PLCB4: variants seen among roughly 807,000 people sequenced by gnomAD.
PLCB4 encodes phospholipase C beta 4, also known as 1-phosphatidylinositol 4,5-bisphosphate phosphodiesterase beta-4.
Under a neutral mutation model 178.8 loss-of-function variants are expected in PLCB4, and 77 were observed. That is an observed-to-expected ratio of 0.43 (90% CI 0.36 to 0.52). The LOEUF (loss-of-function observed/expected upper bound fraction) is 0.52, where lower values mean the gene tolerates loss of function less well. Among genes scored for constraint, PLCB4 ranks in the 20% least tolerant of loss-of-function variants. The pLI, the probability that PLCB4 is intolerant of heterozygous loss-of-function variation, is 0.00. For synonymous variants in PLCB4, 496 were observed against 490.8 expected (o/e 1.01, Z -0.14); for missense variants, 1,024 against 1,453.4 (o/e 0.70, Z 4.80).
At chr20:9,127,606 A>G (rs932787827) in intron 2 of PLCB4, among the ~76,000 whole-genome samples, 10 of 151,756 alleles carry the variant, frequency 6.6e-5, no homozygotes, top group Non-Finnish European at 1.5e-4. Flanking sequence ...ATACTACTCA[A>G]CATTTAACTT....
intron 2 of PLCB4, among the ~76,000 whole-genome samples, chr20:9,206,283 C>CT (rs1255289232): frequency 9.3e-5 from 13 of 139,548 alleles, no homozygotes; most frequent in Admixed American, 7.4e-4. Flanking sequence ...CTCCTCCTGC[C>CT]TTTTTTTTCT....
At chr20:9,428,995 G>T (rs1363067103) in intron 28 of PLCB4, among the ~76,000 whole-genome samples, 1 of 152,104 alleles carries the variant, frequency 6.6e-6, no homozygotes, top group Non-Finnish European at 1.5e-5. Context: ...AGGAAGGGAG[G>T]GGAAAAGCAG....
At chr20:9,213,395 C>T (rs6039419) in intron 2 of PLCB4, among the ~76,000 whole-genome samples, 7,759 of 146,708 alleles carry the variant, frequency 0.053, 690 homozygotes, top group African/African-American at 0.13. Flanking sequence ...TCCACCCACC[C>T]TGGCCTCCCA....
At chr20:9,371,158 AG>A in intron 9 of PLCB4, 55 bp from the exon 10 acceptor site, 1 of 1,112,658 alleles carries the variant, frequency 9.0e-7, no homozygotes, top group Non-Finnish European at 1.4e-6. Context: ...TCTTTGCATC[AG>A]AGAAAACATA....
At chr20:9,218,366 A>G (rs2147276581) in intron 3 of PLCB4, among the ~76,000 whole-genome samples, 1 of 152,284 alleles carries the variant, frequency 6.6e-6, no homozygotes, top group African/African-American at 2.4e-5. Flanking sequence ...CGGCCTCCCA[A>G]AGTGCTGGAA....
chr20:9,332,082 AC>A (rs558040624), intron 4 of PLCB4, among the ~76,000 whole-genome samples: 1 of 152,042 alleles, frequency 6.6e-6, no homozygotes, highest in Non-Finnish European at 1.5e-5. Context: ...AATTCTGCCC[AC>A]CCCCCAAGGA....
At chr20:9,071,505 A>G (rs2089572727) in intron 1 of PLCB4, among the ~76,000 whole-genome samples, 1 of 152,166 alleles carries the variant, frequency 6.6e-6, no homozygotes, top group Non-Finnish European at 1.5e-5. Flanking sequence ...TTAGCATGCT[A>G]ATTTGTGAAA....
intron 2 of PLCB4, among the ~76,000 whole-genome samples, chr20:9,210,117 G>A (rs930969409): frequency 6.6e-5 from 10 of 152,160 alleles, no homozygotes; most frequent in African/African-American, 2.2e-4. Context: ...ACTAATACAC[G>A]AAGGAAACCA....
chr20:9,307,542 C>CAT (rs2094785368), intron 3 of PLCB4, among the ~76,000 whole-genome samples: 1 of 133,122 alleles, frequency 7.5e-6, no homozygotes, highest in African/African-American at 2.8e-5. Flanking sequence ...CACACACACA[C>CAT]ACACATCTTG....
Position 9,238,413 on chromosome 20 carries a change from C to A in PLCB4, c.-16+20961C>A, listed in dbSNP as rs150856715. On this transcript the variant is annotated intron_variant, in intron 3 of 39. Coordinates refer to ENST00000378473, the MANE Select transcript of PLCB4 (RefSeq NM_001377142.1). ...GAGGAGGAAGTGGAGTTGACCCCCC[C>A]CCGAGGGACACCTTATCCATATGTG... Among the ~76,000 whole-genome samples, 259 of 152,264 alleles carry A rather than the reference C, an allele frequency of 1.7e-3. 1 individual carries two copies. Among genetic ancestry groups the A allele is most frequent in the African/African-American group, 5.2e-3 (218 of 41,546 alleles).
intron 14 of PLCB4, among the ~76,000 whole-genome samples, chr20:9,386,441 A>C (rs559126155): frequency 6.6e-6 from 1 of 152,158 alleles, no homozygotes; most frequent in African/African-American, 2.4e-5. Flanking sequence ...ATGTAGTTAC[A>C]TTATGTTTTT....
At chr20:9,444,634 C>A (rs1482582805) in intron 32 of PLCB4, among the ~76,000 whole-genome samples, 1 of 152,056 alleles carries the variant, frequency 6.6e-6, no homozygotes, top group Non-Finnish European at 1.5e-5. Context: ...TGGTGACATA[C>A]CCCTGTAATC....
intron 28 of PLCB4, among the ~76,000 whole-genome samples, chr20:9,432,255 C>T (rs1412502289): frequency 6.6e-6 from 1 of 152,082 alleles, no homozygotes; most frequent in Non-Finnish European, 1.5e-5. Context: ...CATTTAATAT[C>T]TTGCTTTATT....
chr20:9,384,506 A>G, intron 14 of PLCB4, 95 bp downstream of exon 14: 1 of 872,568 alleles, frequency 1.1e-6, no homozygotes, highest in South Asian at 1.5e-5. Context: ...AATCAGGATG[A>G]AAAGGAAATT....
chr20:9,203,056 A>AATATATATATATATATATATATATAT (rs55690764), intron 2 of PLCB4, among the ~76,000 whole-genome samples: 2 of 126,162 alleles, frequency 1.6e-5, no homozygotes, highest in African/African-American at 6.6e-5. Flanking sequence ...AAAAAAAAAA[A>AATATATATATATATATATATATATAT]ATATATATAT....
intron 2 of PLCB4, among the ~76,000 whole-genome samples, chr20:9,170,030 T>C (rs1038266217): frequency 6.6e-6 from 1 of 152,212 alleles, no homozygotes; most frequent in African/African-American, 2.4e-5. Flanking sequence ...CATCCTTACT[T>C]GTACATAGCT....
intron 2 of PLCB4, among the ~76,000 whole-genome samples, chr20:9,177,600 AGG>A (rs1443183692): frequency 6.6e-6 from 1 of 152,190 alleles, no homozygotes; most frequent in African/African-American, 2.4e-5. Context: ...GTGTTGGAAA[AGG>A]GGTGTAGATG....
intron 1 of PLCB4, among the ~76,000 whole-genome samples, chr20:9,071,160 C>T (rs1293548168): frequency 6.6e-6 from 1 of 152,086 alleles, no homozygotes; most frequent in Non-Finnish European, 1.5e-5. Context: ...AAACCTTTTG[C>T]AGGAAAAGAT....
At chr20:9,280,165 G>T (rs1460132557) in intron 3 of PLCB4, among the ~76,000 whole-genome samples, 1 of 152,030 alleles carries the variant, frequency 6.6e-6, no homozygotes, top group Non-Finnish European at 1.5e-5. Context: ...TAGAAGAGGG[G>T]CTGTGGGGTT....
Sources: allele counts gnomAD v4.1 joint callset (sites outside exome capture counted in the v4.1 genomes callset), GRCh38; gene constraint gnomAD v4.1.1; transcripts MANE v1.5; gene names NCBI Gene and HGNC (gene_info 2026-07-23, HGNC 2026-07-21).